GPR180: variants seen among roughly 807,000 people sequenced by gnomAD.
GPR180 encodes G protein-coupled receptor 180.
GPR180 carries 53 observed loss-of-function variants against 52.6 expected under a neutral mutation model. The ratio of observed to expected loss-of-function variants is 1.01; its 90% CI spans 0.81 to 1.27. The LOEUF is 1.27. Among genes scored for constraint, GPR180 ranks in the 50% most tolerant of loss-of-function variants. The pLI is 0.00. For synonymous variants in GPR180, 200 were observed against 193.1 expected (o/e 1.04, Z -0.30); for missense variants, 533 against 527.0 (o/e 1.01, Z -0.11).
At chr13:94,620,987 T>TAAA in intron 5 of GPR180, 91 bp from the exon 6 acceptor site, 24 of 1,014,616 alleles carry the variant, frequency 2.4e-5, no homozygotes, top group Admixed American at 3.4e-5. Context: ...TGGTTTTTCT[T>TAAA]AAAAAAAAAA....
chr13:94,624,832 G>A lies in GPR180; in HGVS notation c.1087-1134G>A, dbSNP rs964748289. Among the ~76,000 whole-genome samples the A allele has an allele frequency of 6.6e-5, 10 of 151,784 alleles. 1 individual carries two copies. The highest frequency in any genetic ancestry group is 3.9e-4 in the East Asian group (2 of 5,164). The stretch of plus-strand genomic sequence containing the variant: ...GCTGGGATTACAGGCGTGAGCCACC[G>A]CACCCAGCCTTTCTTTTTTAAGATG... On this transcript the variant is annotated intron_variant, in intron 7 of 8. Transcript: ENST00000376958.
chr13:94,616,186 T>G (rs74104485), intron 3 of GPR180, among the ~76,000 whole-genome samples: 4,460 of 152,300 alleles, frequency 0.029, 223 homozygotes, highest in African/African-American at 0.1. Flanking sequence ...CCTATCACAT[T>G]TCCTTTTTCA....
chr13:94,602,060 T>A lies in GPR180; in HGVS notation c.133T>A (p.Phe45Ile), dbSNP rs754135498. ...QDAQGQRIGHFEFHGDHALLC... is the reference protein window; with the variant it reads ...QDAQGQRIGHIEFHGDHALLC... ...CGCCCAGGGCCAGCGCATCGGCCAC[T>A]TCGAGTTCCATGGTAGGTCTGGGGG... The change falls in exon 1 of 9, where the codon TTC (phenylalanine) becomes ATC (isoleucine). Residue 45 changes from phenylalanine to isoleucine, a missense_variant. Phe to Ile is a conservative substitution (Grantham distance 21, BLOSUM62 0). Transcript: ENST00000376958. 2.9e-6 allele frequency: 4 copies of A among 1,399,548 alleles called. No individual in the cohort carries two copies. 86.7% of individuals were successfully genotyped at this position (1,399,548 alleles called of 1,614,324 possible). A position where few individuals can be genotyped will look rare whatever the true frequency, so the allele number is the denominator to read the frequency against.
intron 1 of GPR180, among the ~76,000 whole-genome samples, chr13:94,604,622 C>T (rs1348783426): frequency 1.3e-5 from 2 of 152,078 alleles, no homozygotes; most frequent in African/African-American, 4.8e-5. Flanking sequence ...GTCACCCAGA[C>T]TGGAGTGCAG....
rs143441243 is a variant in GPR180 at position 94,605,407 on chromosome 13, G to A, written c.162G>A (p.Leu54=). The A allele has an allele frequency of 2.7e-4, 430 of 1,613,948 alleles. 4 individuals are homozygous for A. The South Asian group carries it at 3.2e-3, about 12-fold the overall frequency. ...HFEFHGDHAL[L]CVRINNIAVA... ...AATGTCAAGGTGACCATGCTCTTCT[G>A]TGTGTCAGAATCAACAACATAGCAG... The change falls in exon 2 of 9, where the codon CTG becomes CTA. Residue 54 remains leucine, a synonymous_variant. Coordinates refer to ENST00000376958, the MANE Select transcript of GPR180 (RefSeq NM_180989.6).
intron 2 of GPR180, 24 bp from the exon 3 acceptor site, chr13:94,612,166 A>G: frequency 1.3e-6 from 2 of 1,581,600 alleles, no homozygotes; most frequent in Non-Finnish European, 1.7e-6. Context: ...TTTGTTACAA[A>G]AGGTGTTTTC....
intron 7 of GPR180, among the ~76,000 whole-genome samples, chr13:94,624,448 CAAG>C (rs756008043): frequency 6.6e-6 from 1 of 152,218 alleles, no homozygotes; most frequent in Non-Finnish European, 1.5e-5. Context: ...GAGCGCAAGA[CAAG>C]AAGATGTCAT....
chr13:94,615,793 C>G (rs2139568804), intron 3 of GPR180, among the ~76,000 whole-genome samples: 1 of 152,308 alleles, frequency 6.6e-6, no homozygotes, highest in South Asian at 2.1e-4. Context: ...TTTTAAAATT[C>G]TAGCAGCTAT....
Position 94,619,129 on chromosome 13 carries a change from C to T in GPR180, c.506-21C>T, listed in dbSNP as rs765029421. On this transcript the variant is annotated intron_variant, in intron 3 of 8. Coordinates refer to ENST00000376958, the MANE Select transcript of GPR180 (RefSeq NM_180989.6). ...ACTGGCTTTGTTTTACTGAAGCAAACTCCCTTTCTTCTCTTCACAGGGTTA... is the reference window on the plus strand; with the variant it reads ...ACTGGCTTTGTTTTACTGAAGCAAATTCCCTTTCTTCTCTTCACAGGGTTA... 11 of 1,591,234 alleles carry T rather than the reference C, an allele frequency of 6.9e-6. No homozygotes were observed. The South Asian group carries it at 1.3e-4, about 18-fold the overall frequency.
In GPR180 at chr13:94,623,090, T is replaced by C; in HGVS notation, c.895-19T>C. 3 of 1,584,722 alleles carry C rather than the reference T, an allele frequency of 1.9e-6. No individual in the cohort carries two copies. On this transcript the variant is annotated intron_variant, in intron 6 of 8. Transcript: ENST00000376958. ...GTATATTTTTTTTTCCTAAATGTAATATTGTTTTTCTTTTGCAGAGTGTTT... is the reference window on the plus strand; with the variant it reads ...GTATATTTTTTTTTCCTAAATGTAACATTGTTTTTCTTTTGCAGAGTGTTT...
intron 3 of GPR180, among the ~76,000 whole-genome samples, chr13:94,615,148 T>A (rs544508715): frequency 6.6e-6 from 1 of 152,230 alleles, no homozygotes; most frequent in Non-Finnish European, 1.5e-5. Context: ...TTGATTCTTA[T>A]GTACAGAACC....
chr13:94,625,701 T>A (rs1039211590), intron 7 of GPR180, among the ~76,000 whole-genome samples: 3 of 152,196 alleles, frequency 2.0e-5, no homozygotes, highest in Non-Finnish European at 4.4e-5. Context: ...TTACTTATAT[T>A]AATAATTTGT....
chr13:94,604,997 T>C (rs77178561), intron 1 of GPR180, among the ~76,000 whole-genome samples: 4,246 of 152,260 alleles, frequency 0.028, 204 homozygotes, highest in African/African-American at 0.095. Context: ...ATATTAAGAG[T>C]ATAATTAAAT....
chr13:94,611,855 C>T (rs1025845122), intron 2 of GPR180, among the ~76,000 whole-genome samples: 1 of 151,364 alleles, frequency 6.6e-6, no homozygotes, highest in African/African-American at 2.4e-5. Context: ...GAGGCCCCTC[C>T]CATCGCTCCC....
chr13:94,601,951 T>C lies in GPR180; in HGVS notation c.24T>C (p.Ala8=), dbSNP rs1239514915. MGGLRLL[A]VALTCCWWPQ... ...GCATGGGGGGGCTGCGGCTGCTGGC[T>C]GTGGCCCTCACGTGCTGCTGGTGGC... The change falls in exon 1 of 9, where the codon GCT becomes GCC. Residue 8 remains alanine (A), a synonymous_variant. Coordinates refer to ENST00000376958, the MANE Select transcript of GPR180 (RefSeq NM_180989.6). 5 of 1,498,490 alleles carry C rather than the reference T, an allele frequency of 3.3e-6. No individual in the cohort carries two copies. Among genetic ancestry groups the C allele is most frequent in the Non-Finnish European group, 4.4e-6 (5 of 1,129,686 alleles). The allele number at this position is 1,498,490 out of a possible 1,614,324, so 92.8% of individuals were successfully genotyped here.
chr13:94,610,014 C>T (rs1413683623), intron 2 of GPR180, among the ~76,000 whole-genome samples: 2 of 152,116 alleles, frequency 1.3e-5, no homozygotes, highest in Admixed American at 6.5e-5. Flanking sequence ...ATAGTACAAC[C>T]AGCATCCATA....
At chr13:94,615,781 G>GT (rs1408840504) in intron 3 of GPR180, among the ~76,000 whole-genome samples, 18 of 152,176 alleles carry the variant, frequency 1.2e-4, no homozygotes, top group Admixed American at 6.5e-5. Flanking sequence ...CCATCTCACT[G>GT]TTTTTAAAAT....
intron 3 of GPR180, among the ~76,000 whole-genome samples, chr13:94,612,713 A>C (rs11839030): frequency 0.028 from 4,234 of 152,308 alleles, 202 homozygotes; most frequent in African/African-American, 0.095. Context: ...ACAGGAAACA[A>C]CTTGTGTAGT....
At chr13:94,614,660 A>T (rs951736054) in intron 3 of GPR180, among the ~76,000 whole-genome samples, 4 of 151,986 alleles carry the variant, frequency 2.6e-5, no homozygotes, top group African/African-American at 4.8e-5. Context: ...TTCAGTTCTT[A>T]GTTTTGTCTC....
Sources: gnomAD v4.1 joint callset for allele counts (sites outside exome capture counted in the v4.1 genomes callset) on GRCh38, gnomAD v4.1.1 for gene constraint, MANE v1.5 for transcripts, NCBI Gene and HGNC (gene_info 2026-07-23, HGNC 2026-07-21) for gene names.